RHOJ: variants seen among roughly 807,000 people sequenced by gnomAD.
The protein encoded by RHOJ is ras homolog family member J.
RHOJ carries 11 observed loss-of-function variants against 23.4 expected under a neutral mutation model. The ratio of observed to expected loss-of-function variants is 0.47; its 90% CI spans 0.30 to 0.78. RHOJ has a LOEUF of 0.78. RHOJ is among the 30% of genes least tolerant of loss of function. The pLI is 0.08. For synonymous variants in RHOJ, 102 were observed against 102.7 expected, an observed-to-expected ratio of 0.99 and a Z score of 0.04; for missense variants, 254 against 273.4, an observed-to-expected ratio of 0.93 and a Z score of 0.50.
intron 1 of RHOJ, among the ~76,000 whole-genome samples, chr14:63,267,891 G>T (rs2139653855): frequency 6.6e-6 from 1 of 152,300 alleles, no homozygotes; most frequent in African/African-American, 2.4e-5. Flanking sequence ...CCAGTGTCTG[G>T]GGACGTAGCG....
At position 63,274,360 on chromosome 14, in the gene RHOJ, T is replaced by G. The variant is rs139351120; in HGVS notation, c.237+5192T>G. 2.0e-5 allele frequency among the ~76,000 whole-genome samples: 3 copies of G among 152,300 alleles called. No individual in the cohort carries two copies. In the East Asian group the frequency reaches 5.8e-4, roughly 29 times the overall value. On this transcript the variant is annotated intron_variant, in intron 2 of 4. Transcript: ENST00000316754. ...GGCAATTTGGGAGATTAGGGAGAAG[T>G]TTGCCCACATGACAGCTGCTTAGTA...
At chr14:63,270,018 T>G (rs1158967885) in intron 2 of RHOJ, among the ~76,000 whole-genome samples, 2 of 152,194 alleles carry the variant, frequency 1.3e-5, no homozygotes, top group African/African-American at 4.8e-5. Context: ...TTACCGTATG[T>G]CTTGGGTCAT....
intron 1 of RHOJ, among the ~76,000 whole-genome samples, chr14:63,207,101 G>A (rs944062050): frequency 2.0e-5 from 3 of 150,274 alleles, no homozygotes; most frequent in Non-Finnish European, 3.0e-5. Flanking sequence ...GCATGATCTC[G>A]GCTCACTGCA....
At chr14:63,279,028 G>A (rs2139662803) in intron 2 of RHOJ, among the ~76,000 whole-genome samples, 1 of 152,234 alleles carries the variant, frequency 6.6e-6, no homozygotes, top group South Asian at 2.1e-4. Flanking sequence ...GAAGGACAAT[G>A]TTTAAGCAGT....
chr14:63,226,560 A>T (rs1482724619), intron 1 of RHOJ, among the ~76,000 whole-genome samples: 1 of 150,468 alleles, frequency 6.6e-6, no homozygotes, highest in Non-Finnish European at 1.5e-5. Flanking sequence ...ATAAAATAAA[A>T]TATGAATATA....
chr14:63,254,221 C>A (rs1252781259), intron 1 of RHOJ, among the ~76,000 whole-genome samples: 1 of 152,154 alleles, frequency 6.6e-6, no homozygotes, highest in Admixed American at 6.5e-5. Context: ...GGCTCAATAG[C>A]CTTCCTTATT....
intron 1 of RHOJ, among the ~76,000 whole-genome samples, chr14:63,229,842 A>G (rs535781871): frequency 6.6e-6 from 1 of 152,322 alleles, no homozygotes; most frequent in South Asian, 2.1e-4. Context: ...CAGTAACATA[A>G]ACATGGAATA....
At chr14:63,225,186 C>T (rs751768733) in intron 1 of RHOJ, among the ~76,000 whole-genome samples, 1 of 152,054 alleles carries the variant, frequency 6.6e-6, no homozygotes, top group East Asian at 1.9e-4. Flanking sequence ...CTCCTGACCT[C>T]GTGATCTGTC....
chr14:63,219,369 A>G (rs1197437781), intron 1 of RHOJ, among the ~76,000 whole-genome samples: 1 of 152,164 alleles, frequency 6.6e-6, no homozygotes, highest in African/African-American at 2.4e-5. Context: ...GATAATGGTG[A>G]CTTCAGAGGA....
At chr14:63,288,246 C>G (rs577293875) in intron 4 of RHOJ, 1 of 985,294 alleles carries the variant, frequency 1.0e-6, no homozygotes, top group Non-Finnish European at 1.2e-6. Context: ...AAAGGCAAAG[C>G]CTGACATGCT....
chr14:63,214,610 TG>T (rs920193163), intron 1 of RHOJ, among the ~76,000 whole-genome samples: 15 of 152,036 alleles, frequency 9.9e-5, no homozygotes, highest in Admixed American at 2.0e-4. Flanking sequence ...GTACCTGCGG[TG>T]GGGGCATAGA....
chr14:63,223,000 C>T (rs1327581770), intron 1 of RHOJ, among the ~76,000 whole-genome samples: 1 of 152,184 alleles, frequency 6.6e-6, no homozygotes, highest in Admixed American at 6.5e-5. Flanking sequence ...GACACAGCTC[C>T]TCCTGCTCTC....
chr14:63,232,267 CT>C (rs1175941622), intron 1 of RHOJ, among the ~76,000 whole-genome samples: 1 of 152,178 alleles, frequency 6.6e-6, no homozygotes, highest in African/African-American at 2.4e-5. Flanking sequence ...CAAAAGATTA[CT>C]TTTTCACAAG....
At chr14:63,215,482 T>C (rs1385928699) in intron 1 of RHOJ, among the ~76,000 whole-genome samples, 4 of 152,258 alleles carry the variant, frequency 2.6e-5, no homozygotes, top group Admixed American at 2.6e-4. Context: ...TTGCAGCAAG[T>C]TACTTAATTA....
Position 63,268,972 on chromosome 14 carries a change from GT to G in RHOJ, c.179-135del, listed in dbSNP as rs1895415938. ...ATTTGGAAATTATGCTGTCAACTTG[GT>G]TTAGAATGTACATGAGCGAGGCATA... is the stretch of plus-strand genomic sequence containing the variant. On this transcript the variant is annotated intron_variant, in intron 1 of 4. Transcript: ENST00000316754. 3 of 623,854 alleles carry G rather than the reference GT, an allele frequency of 4.8e-6. No homozygotes were observed. In the Admixed American group the frequency reaches 8.0e-5, roughly 17 times the overall value. The allele number at this position is 623,854 out of a possible 1,614,324, so 38.6% of individuals were successfully genotyped here.
intron 1 of RHOJ, among the ~76,000 whole-genome samples, chr14:63,209,376 C>G (rs1894183826): frequency 6.6e-6 from 1 of 152,140 alleles, no homozygotes; most frequent in Admixed American, 6.6e-5. Context: ...TTAACACTCT[C>G]CTCATCAGTG....
Position 63,220,492 on chromosome 14 carries a change from AAAC to A in RHOJ, c.178+15452_178+15454del, listed in dbSNP as rs765993201. ...TAGTTGGTTACGTTAAATAGAAAAA[AAAC>A]AACAACCAACCAACCAAACAAAATT... On this transcript the variant is annotated intron_variant, in intron 1 of 4. Transcript: ENST00000316754. Among the ~76,000 whole-genome samples the A allele has an allele frequency of 2.6e-5, 4 of 152,184 alleles. No individual in the cohort carries two copies. In the East Asian group the frequency reaches 5.8e-4, roughly 22 times the overall value.
At chr14:63,269,730 G>C (rs576870484) in intron 2 of RHOJ, among the ~76,000 whole-genome samples, 20 of 152,162 alleles carry the variant, frequency 1.3e-4, no homozygotes, top group Non-Finnish European at 2.2e-4. Context: ...ACTTCCCTAA[G>C]ATTCTTGAAA....
chr14:63,215,647 A>G (rs989532571), intron 1 of RHOJ, among the ~76,000 whole-genome samples: 1 of 152,338 alleles, frequency 6.6e-6, no homozygotes, highest in African/African-American at 2.4e-5. Flanking sequence ...AACATCACTC[A>G]GCAAAGAAAT....
Sources: gnomAD v4.1 joint callset for allele counts (sites outside exome capture counted in the v4.1 genomes callset) on GRCh38, gnomAD v4.1.1 for gene constraint, MANE v1.5 for transcripts, NCBI Gene and HGNC (gene_info 2026-07-23, HGNC 2026-07-21) for gene names.